The following EHBP1L1 variants were observed in gnomAD, a reference collection of about 807,000 sequenced individuals.
EHBP1L1 encodes EH domain binding protein 1 like 1.
A neutral mutation model predicts 151.1 loss-of-function variants in EHBP1L1; 122 were observed. That is an observed-to-expected ratio of 0.81 (90% CI 0.70 to 0.94). The LOEUF (loss-of-function observed/expected upper bound fraction) is 0.94, where lower values mean the gene tolerates loss of function less well. EHBP1L1 is among the 40% of genes least tolerant of loss of function. The pLI is 0.00. For missense variants in EHBP1L1, 1,941 were observed against 1,959.8 expected (o/e 0.99, Z 0.18); for synonymous variants, 878 against 810.1 (o/e 1.08, Z -1.42).
In EHBP1L1 at chr11:65,579,582, C is replaced by T. The variant is rs554081283; in HGVS notation, c.258+146C>T. On this transcript the variant is annotated intron_variant, in intron 3 of 18. Coordinates refer to ENST00000309295, the MANE Select transcript of EHBP1L1 (RefSeq NM_001099409.3). ...AGAATTAGGGGGGCCTGCTCAGCAT[C>T]ACTGGCCCAGGAGGTCTCCTTGGAG... The T allele has an allele frequency of 2.7e-5, 19 of 696,600 alleles. No homozygotes were observed. In the African/African-American group the frequency reaches 3.1e-4, roughly 11 times the overall value. The allele number at this position is 696,600 out of a possible 1,614,324, so 43.2% of individuals were successfully genotyped here. A position where few individuals can be genotyped will look rare whatever the true frequency, so the allele number is the denominator to read the frequency against.
rs1465341754 is a variant in EHBP1L1, at chr11:65,589,962, C to G, written c.4030C>G (p.Pro1344Ala). 6.3e-7 allele frequency: 1 copy of G among 1,582,652 alleles called. No homozygotes were observed. Among genetic ancestry groups the G allele is most frequent in the South Asian group, 1.1e-5 (1 of 87,748 alleles). ...TGGGAGTTCCCCCTCGGAGGAACCA[C>G]CCCCAAGCCCAGGGGAGGAGGCTGG... ...PGGSSPSEEP[P>A]PSPGEEAGLQ... The change falls in exon 14 of 19, where the codon CCC becomes GCC. Residue 1344 changes from proline to alanine, a missense_variant. By Grantham distance (27) the Pro-to-Ala change is conservative. Transcript: ENST00000309295.
rs547820567 is a variant in EHBP1L1 at position 65,579,279 on chromosome 11, TA to T, written c.163-61del. ...GGGAAGATGGTGTCAAGGTTGGTGA[TA>T]GGGGGTGCAGGTGGGAGGGAAGAGT... On this transcript the variant is annotated intron_variant, in intron 2 of 18. Coordinates refer to ENST00000309295, the MANE Select transcript of EHBP1L1 (RefSeq NM_001099409.3). The T allele has an allele frequency of 1.1e-3, 1,550 of 1,412,508 alleles. 10 individuals carry two copies. The African/African-American group carries it at 0.016, about 15-fold the overall frequency. 87.5% of individuals were successfully genotyped at this position (1,412,508 alleles called of 1,614,324 possible). A position where few individuals can be genotyped will look rare whatever the true frequency, so the allele number is the denominator to read the frequency against.
chr11:65,583,642 T>C lies in EHBP1L1; in HGVS notation c.2970T>C (p.Ala990=), dbSNP rs773656634. 1.1e-4 allele frequency: 181 copies of C among 1,601,026 alleles called. No individual in the cohort carries two copies. Among genetic ancestry groups the C allele is most frequent in the Non-Finnish European group, 1.4e-4 (169 of 1,174,088 alleles). The change falls in exon 9 of 19, where the codon GCT becomes GCC. Residue 990 remains alanine (A), a synonymous_variant. Coordinates refer to ENST00000309295, the MANE Select transcript of EHBP1L1 (RefSeq NM_001099409.3). The part of the protein sequence containing the change: ...GVLGNEKGKE[A]EGSLTEASLP... Reference sequence around the variant, plus strand: ...TGGGAAATGAGAAGGGGAAAGAAGCTGAGGGAAGCCTCACAGAGGCCAGCC... The same window carrying C: ...TGGGAAATGAGAAGGGGAAAGAAGCCGAGGGAAGCCTCACAGAGGCCAGCC...
chr11:65,585,193 G>C lies in EHBP1L1; in HGVS notation c.3535G>C (p.Ala1179Pro). ...PPDDLDAGGLAQRLRGHGAEG... is the reference protein window; with the variant it reads ...PPDDLDAGGLPQRLRGHGAEG... ...CGACGACCTGGACGCCGGAGGCCTG[G>C]CGCAGCGGCTGCGCGGTCACGGGGC... The change falls in exon 12 of 19, where the codon GCG becomes CCG. Residue 1179 changes from alanine to proline, a missense_variant. Transcript: ENST00000309295. The surrounding 1 kb of genome is among the most constrained non-coding windows in gnomAD (Gnocchi z 4.0). The C allele has an allele frequency of 1.6e-6, 2 of 1,232,346 alleles. No homozygotes were observed. Among genetic ancestry groups the C allele is most frequent in the East Asian group, 4.0e-5 (1 of 24,704 alleles). 76.3% of individuals were successfully genotyped at this position (1,232,346 alleles called of 1,614,324 possible).
At chr11:65,590,772 A>C (rs569161914) in intron 16 of EHBP1L1, among the ~76,000 whole-genome samples, 180 bp downstream of exon 16, 1 of 152,368 alleles carries the variant, frequency 6.6e-6, no homozygotes, top group Admixed American at 6.5e-5. Context: ...ACGGTGTCTC[A>C]TGCCTGTAAT....
intron 16 of EHBP1L1, 60 bp downstream of exon 16, chr11:65,590,652 C>A: frequency 1.4e-6 from 2 of 1,393,986 alleles, no homozygotes; most frequent in South Asian, 2.4e-5. Context: ...GGTTAGAGTT[C>A]TTCACTACTT....
chr11:65,581,032 C>T (rs1312112418), intron 6 of EHBP1L1, 26 bp from the exon 7 acceptor site: 5 of 1,581,138 alleles, frequency 3.2e-6, no homozygotes, highest in Admixed American at 1.8e-5. Context: ...TGACTCTGCC[C>T]TTCTCCCCTC....
Position 65,580,132 on chromosome 11 carries a change from C to A in EHBP1L1, c.364C>A (p.Arg122Ser). The change falls in exon 5 of 19, where the codon CGC (arginine) becomes AGC (serine). Residue 122 changes from arginine (R) to serine (S), a missense_variant. Physicochemically the swap from Arg to Ser is moderately radical, Grantham distance 110 (BLOSUM62 -1). Coordinates refer to ENST00000309295, the MANE Select transcript of EHBP1L1 (RefSeq NM_001099409.3). Reference sequence around the variant, plus strand: ...GGCCACGGCCGAGGTGGACCTGGCCCGCCATGCAGGGCCCGTGCCTGTCCA... The same window carrying A: ...GGCCACGGCCGAGGTGGACCTGGCCAGCCATGCAGGGCCCGTGCCTGTCCA... ...VLATAEVDLA[R>S]HAGPVPVQVP... 1 of 1,613,594 alleles carries A rather than the reference C, an allele frequency of 6.2e-7. No individual in the cohort carries two copies. The highest frequency in any genetic ancestry group is 8.5e-7 in the Non-Finnish European group (1 of 1,179,816).
At position 65,585,020 on chromosome 11, in the gene EHBP1L1, T is replaced by TA; in HGVS notation, c.3363dup (p.Leu1122ThrfsTer196). The TA allele has an allele frequency of 6.5e-7, 1 of 1,536,218 alleles. No homozygotes were observed. The highest frequency in any genetic ancestry group is 8.7e-7 in the Non-Finnish European group (1 of 1,147,272). ...CTGCTGGAGCCCGCGGACATGGTGC[T>TA]ACTGTCGGTGCCCGACAAGCTCATC... On this transcript the variant is annotated frameshift_variant, in exon 12 of 19. Transcript: ENST00000309295. LOFTEE classifies it high-confidence loss of function. The surrounding 1 kb of genome is among the most constrained non-coding windows in gnomAD (Gnocchi z 4.0).
At position 65,582,665 on chromosome 11, in the gene EHBP1L1, C is replaced by A; in HGVS notation, c.1993C>A (p.Gln665Lys). Residue 665 changes from glutamine to lysine, a missense_variant, in exon 9 of 19, where the codon CAG becomes AAG. Gln to Lys is a moderately conservative substitution (Grantham distance 53). Transcript: ENST00000309295. ...AGAAGCTGGGGGTTCAGGAGTTTTGCAGACAAGAACTACGATAGCAGAGAC... is the reference window on the plus strand; with the variant it reads ...AGAAGCTGGGGGTTCAGGAGTTTTGAAGACAAGAACTACGATAGCAGAGAC... Reference protein sequence around the residue: ...KTEAGGSGVLQTRTTIAETEV... With the variant: ...KTEAGGSGVLKTRTTIAETEV... 1.2e-6 allele frequency: 2 copies of A among 1,613,384 alleles called. No individual in the cohort carries two copies. Among genetic ancestry groups the A allele is most frequent in the South Asian group, 1.1e-5 (1 of 91,062 alleles).
chr11:65,579,144 G>T lies in EHBP1L1; in HGVS notation c.162+9G>T. ...GACGCATCTGCTCCAAGGTGGGGAA[G>T]GATGGCAACTGGGGATCCAGGTTAG... is the stretch of plus-strand genomic sequence containing the variant. On this transcript the variant is annotated intron_variant, in intron 2 of 18. Transcript: ENST00000309295. The T allele has an allele frequency of 6.3e-7, 1 of 1,589,382 alleles. No homozygotes were observed. Among genetic ancestry groups the T allele is most frequent in the Non-Finnish European group, 8.6e-7 (1 of 1,167,932 alleles).
rs1858390313 is a variant in EHBP1L1, at chr11:65,592,479, G to T, written c.*177G>T. On this transcript the variant is annotated 3_prime_UTR_variant, in exon 19 of 19. Coordinates refer to ENST00000309295, the MANE Select transcript of EHBP1L1 (RefSeq NM_001099409.3). ...CCCCGACCCCACGGGCGGGGCGGCC[G>T]CCGTATTTATTTGTCACCGAGGGTG... The T allele has an allele frequency of 2.4e-5, 7 of 291,852 alleles. No individual in the cohort carries two copies. Among genetic ancestry groups the T allele is most frequent in the Non-Finnish European group, 2.7e-5 (5 of 183,984 alleles). 18.1% of individuals were successfully genotyped at this position (291,852 alleles called of 1,614,324 possible). A position where few individuals can be genotyped will look rare whatever the true frequency, so the allele number is the denominator to read the frequency against.
chr11:65,581,297 T>C lies in EHBP1L1; in HGVS notation c.790T>C (p.Ser264Pro). ...AGCCAGAACCTCCCGAGGCCAGGGG[T>C]CAGAACGAGCTAATGAAGCGGGGGG... ...PPARTSRGQG[S>P]ERANEAGGQV... Residue 264 changes from serine (S) to proline (P), a missense_variant, in exon 8 of 19, where the codon TCA (serine) becomes CCA (proline). Ser to Pro is a moderately conservative substitution (Grantham distance 74, BLOSUM62 -1). Transcript: ENST00000309295. 1 of 1,611,174 alleles carries C rather than the reference T, an allele frequency of 6.2e-7. No homozygotes were observed. Among genetic ancestry groups the C allele is most frequent in the Non-Finnish European group, 8.5e-7 (1 of 1,179,368 alleles).
intron 16 of EHBP1L1, 57 bp from the exon 17 acceptor site, chr11:65,591,743 T>G: frequency 7.3e-7 from 1 of 1,378,038 alleles, no homozygotes; most frequent in Non-Finnish European, 1.0e-6. Context: ...ACTCTCTCCC[T>G]ACGCCCCTTT....
Position 65,576,284 on chromosome 11 carries a change from C to CGGCGGGGT in EHBP1L1, c.-11_-4dup. On this transcript the variant is annotated 5_prime_UTR_variant, in exon 1 of 19. Transcript: ENST00000309295. ...GGGAGCCCCGGGCCTGAGAAGTGGG[C>CGGCGGGGT]GGCGGGGTGGCGGGGGCCATGACCT... 6.4e-7 allele frequency: 1 copy of CGGCGGGGT among 1,564,858 alleles called. No homozygotes were observed. The highest frequency in any genetic ancestry group is 1.2e-5 in the South Asian group (1 of 86,220).
chr11:65,585,272 CG>C lies in EHBP1L1; in HGVS notation c.3619del (p.Val1207TrpfsTer34), dbSNP rs1439737367. On this transcript the variant is annotated frameshift_variant, in exon 12 of 19. Transcript: ENST00000309295. LOFTEE classifies it high-confidence loss of function. This position sits in a 1 kb window ranked among gnomAD's most constrained non-coding sequence, Gnocchi z 4.0. ...GCAGACCGCGCAGACGGGGCGGCCC[CG>C]GGGGTGGCCTCCAGGAACGCGGTCG... Reference protein sequence around the residue: ...EAADRADGAAPGVASRNAVAG... With the variant: ...EAADRADGAAXGVASRNAVAG... 1.8e-6 allele frequency: 2 copies of C among 1,081,098 alleles called. No homozygotes were observed. The highest frequency in any genetic ancestry group is 1.1e-6 in the Non-Finnish European group (1 of 891,308). The allele number at this position is 1,081,098 out of a possible 1,614,324, so 67.0% of individuals were successfully genotyped here.
In EHBP1L1 at chr11:65,592,367, C is replaced by G. The variant is rs1858381135; in HGVS notation, c.*65C>G. On this transcript the variant is annotated 3_prime_UTR_variant, in exon 19 of 19. Coordinates refer to ENST00000309295, the MANE Select transcript of EHBP1L1 (RefSeq NM_001099409.3). ...GGCGTCCGCCGCCGCCCCGGGCCTG[C>G]GCTGCGGACGACCCGGCCGTCCCGG... 1.7e-6 allele frequency: 2 copies of G among 1,191,784 alleles called. No homozygotes were observed. Among genetic ancestry groups the G allele is most frequent in the Non-Finnish European group, 2.1e-6 (2 of 952,906 alleles). 73.8% of individuals were successfully genotyped at this position (1,191,784 alleles called of 1,614,324 possible).
At position 65,576,115 on chromosome 11, in the gene EHBP1L1, C is replaced by G; in HGVS notation, c.-188C>G. ...GACGCGCCCCAGGCGACCCCGCAGA[C>G]TCAGCCAGACCACCCTGCGGGCCCC... On this transcript the variant is annotated 5_prime_UTR_variant, in exon 1 of 19. Transcript: ENST00000309295. 1 of 383,952 alleles carries G rather than the reference C, an allele frequency of 2.6e-6. No individual in the cohort carries two copies. Among genetic ancestry groups the G allele is most frequent in the Non-Finnish European group, 4.4e-6 (1 of 224,948 alleles). The allele number at this position is 383,952 out of a possible 1,614,324, so 23.8% of individuals were successfully genotyped here.
chr11:65,584,567 G>C (rs766946207), intron 11 of EHBP1L1, 33 bp downstream of exon 11: 3 of 1,600,346 alleles, frequency 1.9e-6, no homozygotes, highest in Non-Finnish European at 2.6e-6. Flanking sequence ...CTGGAGGGAA[G>C]GAGGGTCTGG....
Sources: gnomAD v4.1 joint callset for allele counts (sites outside exome capture counted in the v4.1 genomes callset) on GRCh38, gnomAD v4.1.1 for gene constraint, Gnocchi (gnomAD v3.1) non-coding constraint, MANE v1.5 for transcripts, NCBI Gene and HGNC (gene_info 2026-07-23, HGNC 2026-07-21) for gene names.